ANK2: variants seen among roughly 807,000 people sequenced by gnomAD.
ANK2 encodes ankyrin-2.
A neutral mutation model predicts 360.5 loss-of-function variants in ANK2; 83 were observed. The ratio of observed to expected loss-of-function variants is 0.23; its 90% CI spans 0.19 to 0.28. ANK2 has a LOEUF of 0.28. Among genes scored for constraint, ANK2 ranks in the 10% least tolerant of loss-of-function variants. ANK2 has a pLI of 1.00. For synonymous variants in ANK2, 1,740 were observed against 1,759.5 expected (o/e 0.99, Z 0.28); for missense variants, 4,201 against 4,795.7 (o/e 0.88, Z 3.66).
chr4:113,335,242 T>C (rs1013994947), intron 29 of ANK2, among the ~76,000 whole-genome samples: 3 of 152,198 alleles, frequency 2.0e-5, no homozygotes, highest in Non-Finnish European at 2.9e-5. Flanking sequence ...CAGGGGAATA[T>C]TGAAACCCTG....
At position 113,184,825 on chromosome 4, in the gene ANK2, A is replaced by G. The variant is rs140437524; in HGVS notation, c.186+10308A>G. 1.3e-3 allele frequency among the ~76,000 whole-genome samples: 200 copies of G among 152,124 alleles called. 1 individual carries two copies. Among genetic ancestry groups the G allele is most frequent in the African/African-American group, 4.5e-3 (188 of 41,488 alleles). ...CTGCACCCATCAACCCATCATCTAC[A>G]TTAGGTATTTCTCCTAATGCTGTCC... On this transcript the variant is annotated intron_variant, in intron 2 of 45. Coordinates refer to ENST00000357077, the MANE Select transcript of ANK2 (RefSeq NM_001148.6).
chr4:112,976,188 T>C (rs2041343077), intron 2 of ANK2, among the ~76,000 whole-genome samples: 1 of 151,390 alleles, frequency 6.6e-6, no homozygotes, highest in Non-Finnish European at 1.5e-5. Flanking sequence ...TAGGTATTAC[T>C]GGCTGTGGAA....
chr4:113,134,948 G>C (rs1297093525), intron 1 of ANK2, among the ~76,000 whole-genome samples: 1 of 152,128 alleles, frequency 6.6e-6, no homozygotes, highest in Non-Finnish European at 1.5e-5. Flanking sequence ...CATGACTAAA[G>C]TTTTATGGTG....
At chr4:112,740,323 G>A in the ANK2 span, among the ~76,000 whole-genome samples, 35 of 151,980 alleles carry the variant, frequency 2.3e-4, no homozygotes, top group East Asian at 2.7e-3. Context: ...TTGTAACCTC[G>A]AACTCCTGGG....
chr4:113,014,916 T>C (rs1181019929), intron 2 of ANK2, among the ~76,000 whole-genome samples: 1 of 132,338 alleles, frequency 7.6e-6, no homozygotes, highest in African/African-American at 2.8e-5. Flanking sequence ...TGGAGTGCAG[T>C]GGCGCGATCT....
At chr4:113,048,564 C>T (rs530238626), upstream of ANK2, among the ~76,000 whole-genome samples, 10 of 151,136 alleles carry the variant, frequency 6.6e-5, no homozygotes, top group East Asian at 1.2e-3. Context: ...TGAGCCACTG[C>T]GCCCAGCCTA....
the ANK2 span, among the ~76,000 whole-genome samples, chr4:112,777,937 G>GA: frequency 6.7e-6 from 1 of 149,162 alleles, no homozygotes. Flanking sequence ...TCTTATATTT[G>GA]AGAAGTAATC....
At chr4:113,061,218 G>T (rs888286608) in intron 1 of ANK2, among the ~76,000 whole-genome samples, 1 of 152,010 alleles carries the variant, frequency 6.6e-6, no homozygotes, top group Non-Finnish European at 1.5e-5. Flanking sequence ...GATTTGTGAA[G>T]GTAGTTCTTG....
At position 113,255,913 on chromosome 4, in the gene ANK2, A is replaced by T; in HGVS notation, c.1169A>T (p.Asn390Ile). The T allele has an allele frequency of 6.2e-7, 1 of 1,614,234 alleles. No individual in the cohort carries two copies. Among genetic ancestry groups the T allele is most frequent in the East Asian group, 2.2e-5 (1 of 44,884 alleles). Reference protein sequence around the residue: ...VTKLLLDKRANPNARALNGFT... With the variant: ...VTKLLLDKRAIPNARALNGFT... ...AAACTCCTTTTAGACAAGAGAGCCA[A>T]TCCGAACGCCAGAGCCCTGGTAAAC... Residue 390 changes from asparagine (N) to isoleucine (I), a missense_variant, in exon 11 of 46, where the codon AAT becomes ATT. Physicochemically the swap from Asn to Ile is moderately radical, Grantham distance 149 (BLOSUM62 -3). Around this residue, in one of 4 missense-constraint regions of ANK2, gnomAD observed 1,268 missense variants for 1,650.8 expected, o/e 0.77. Transcript: ENST00000357077.
intron 23 of ANK2, 104 bp from the exon 24 acceptor site, chr4:113,311,151 A>C: frequency 6.8e-7 from 1 of 1,465,368 alleles, no homozygotes; most frequent in Admixed American, 1.7e-5. Flanking sequence ...CAGTTTCATC[A>C]AGGTCAAGGT....
At chr4:112,722,641 T>G in the ANK2 span, among the ~76,000 whole-genome samples, 7 of 152,182 alleles carry the variant, frequency 4.6e-5, no homozygotes, top group Non-Finnish European at 8.8e-5. Flanking sequence ...CATGTAATGG[T>G]GTCCAAAGCA....
In ANK2 at chr4:113,353,490, G is replaced by A. The variant is rs201064116; in HGVS notation, c.4872G>A (p.Glu1624=). 6.2e-7 allele frequency: 1 copy of A among 1,614,000 alleles called. No individual in the cohort carries two copies. Among genetic ancestry groups the A allele is most frequent in the East Asian group, 2.2e-5 (1 of 44,868 alleles). The change falls in exon 38 of 46, where the codon GAG becomes GAA. Residue 1624 remains glutamate (E), a synonymous_variant. Coordinates refer to ENST00000357077, the MANE Select transcript of ANK2 (RefSeq NM_001148.6). ...GTGTAGAAGTTAGAATAGATAAAGA[G>A]ATCAAAGGAAAAGTAGAGAAAGACT... ...YPCVEVRIDK[E]IKGKVEKDST...
chr4:112,806,082 T>C, the ANK2 span, among the ~76,000 whole-genome samples: 1 of 152,212 alleles, frequency 6.6e-6, no homozygotes, highest in Non-Finnish European at 1.5e-5. Flanking sequence ...TCCTCTCTTT[T>C]AGTTATTTAA....
intron 9 of ANK2, among the ~76,000 whole-genome samples, chr4:113,247,389 A>G (rs2043549565): frequency 2.6e-5 from 4 of 152,208 alleles, no homozygotes. Flanking sequence ...CATCATTCAC[A>G]CATCTTATAA....
chr4:112,789,664 G>A, the ANK2 span, among the ~76,000 whole-genome samples: 16 of 152,128 alleles, frequency 1.1e-4, no homozygotes, highest in Non-Finnish European at 2.2e-4. Context: ...GGGATATGTA[G>A]TATATATCCT....
intron 2 of ANK2, among the ~76,000 whole-genome samples, chr4:112,993,409 TC>T (rs1274519442): frequency 1.3e-5 from 2 of 151,582 alleles, no homozygotes; most frequent in Non-Finnish European, 2.9e-5. Context: ...TTCAAGCAAT[TC>T]TCTGCCTCAG....
intron 2 of ANK2, among the ~76,000 whole-genome samples, chr4:113,189,612 T>C (rs1043773513): frequency 1.3e-5 from 2 of 152,244 alleles, no homozygotes; most frequent in African/African-American, 4.8e-5. Flanking sequence ...AATATTTCTT[T>C]ACTTGTGCCT....
At chr4:113,259,990 A>G (rs1486454383) in intron 13 of ANK2, among the ~76,000 whole-genome samples, 1 of 152,084 alleles carries the variant, frequency 6.6e-6, no homozygotes, top group African/African-American at 2.4e-5. Flanking sequence ...TTGCATTCCA[A>G]TGCTTATAGG....
the ANK2 span, among the ~76,000 whole-genome samples, chr4:112,725,357 C>CTTTT: frequency 4.9e-4 from 36 of 73,592 alleles, 1 homozygote; most frequent in Non-Finnish European, 6.7e-4. Context: ...AAGACACAGT[C>CTTTT]TTTTTTTTTT....
Sources: gnomAD v4.1 joint callset for allele counts (sites outside exome capture counted in the v4.1 genomes callset) on GRCh38, gnomAD v4.1.1 for gene constraint, gnomAD v4.1.1 regional missense constraint, MANE v1.5 for transcripts, NCBI Gene and HGNC (gene_info 2026-07-23, HGNC 2026-07-21) for gene names.